Variants in PTPRD observed in about 807,000 individuals in gnomAD.
PTPRD encodes protein tyrosine phosphatase receptor type D.
A neutral mutation model predicts 214.5 loss-of-function variants in PTPRD; 34 were observed. The observed-to-expected ratio is 0.16, with a 90% CI of 0.12 to 0.21. The LOEUF is 0.21. PTPRD is among the 10% of genes least tolerant of loss of function. The pLI, the probability that PTPRD is intolerant of heterozygous loss-of-function variation, is 1.00. For synonymous variants in PTPRD, 1,128 were observed against 845.7 expected (o/e 1.33, Z -5.79); for missense variants, 2,545 against 2,398.7 (o/e 1.06, Z -1.27).
At chr9:10,385,994 A>ATTTCTTTACCTTTGGATTTTT (rs2097907543) in intron 2 of PTPRD, among the ~76,000 whole-genome samples, 1 of 151,832 alleles carries the variant, frequency 6.6e-6, no homozygotes, top group African/African-American at 2.4e-5. Flanking sequence ...AAGTTGTCAT[A>ATTTCTTTACCTTTGGATTTTT]TTTCTTTACC....
chr9:10,436,473 T>C (rs751206729), intron 2 of PTPRD, among the ~76,000 whole-genome samples: 2 of 151,758 alleles, frequency 1.3e-5, no homozygotes, highest in East Asian at 1.9e-4. Context: ...TTAATATTCA[T>C]CATTTGAGAA....
chr9:10,205,969 T>C (rs144280555), intron 3 of PTPRD, among the ~76,000 whole-genome samples: 34 of 151,628 alleles, frequency 2.2e-4, no homozygotes, highest in African/African-American at 7.7e-4. Flanking sequence ...CTGCTCACAA[T>C]GAGCTTTTAA....
At chr9:10,430,758 T>C (rs1442055462) in intron 2 of PTPRD, among the ~76,000 whole-genome samples, 1 of 151,932 alleles carries the variant, frequency 6.6e-6, no homozygotes, top group East Asian at 1.9e-4. Context: ...AAAAGATTGT[T>C]ATGTTTTAGT....
chr9:9,837,192 G>C (rs2057012223), intron 5 of PTPRD, among the ~76,000 whole-genome samples: 1 of 152,078 alleles, frequency 6.6e-6, no homozygotes, highest in Non-Finnish European at 1.5e-5. Flanking sequence ...CTCCCAGTTT[G>C]CAAGATAATG....
intron 7 of PTPRD, among the ~76,000 whole-genome samples, chr9:9,644,836 A>G (rs2096093904): frequency 6.6e-6 from 1 of 152,216 alleles, no homozygotes; most frequent in African/African-American, 2.4e-5. Flanking sequence ...CTCAACGTCA[A>G]GAGGAGAAGA....
At chr9:10,322,218 T>C (rs2096565698) in intron 3 of PTPRD, among the ~76,000 whole-genome samples, 1 of 152,032 alleles carries the variant, frequency 6.6e-6, no homozygotes, top group Admixed American at 6.6e-5. Context: ...GTTTAATGCA[T>C]GACAGACCCA....
intron 2 of PTPRD, among the ~76,000 whole-genome samples, chr9:10,433,588 A>G (rs917557220): frequency 6.6e-6 from 1 of 152,002 alleles, no homozygotes; most frequent in African/African-American, 2.4e-5. Flanking sequence ...CTGTGTGATG[A>G]ATGTTACCAC....
chr9:9,163,555 C>G (rs1280826450), intron 10 of PTPRD, among the ~76,000 whole-genome samples: 1 of 151,782 alleles, frequency 6.6e-6, no homozygotes, highest in Non-Finnish European at 1.5e-5. Flanking sequence ...TGGTTGCCAT[C>G]TCTTCCTAAT....
intron 2 of PTPRD, among the ~76,000 whole-genome samples, chr9:10,364,971 G>A (rs1480879615): frequency 1.3e-5 from 2 of 152,160 alleles, no homozygotes; most frequent in Non-Finnish European, 2.9e-5. Flanking sequence ...AATAAGCGCT[G>A]TGCTGAATGA....
At chr9:9,413,070 G>A (rs746057369) in intron 8 of PTPRD, among the ~76,000 whole-genome samples, 2 of 145,962 alleles carry the variant, frequency 1.4e-5, no homozygotes, top group Non-Finnish European at 1.5e-5. Flanking sequence ...GTCATTTTGG[G>A]CAAACAAGTT....
chr9:9,595,636 C>T (rs915004186), intron 7 of PTPRD, among the ~76,000 whole-genome samples: 2 of 151,460 alleles, frequency 1.3e-5, no homozygotes, highest in Non-Finnish European at 2.9e-5. Flanking sequence ...AATTAATGGC[C>T]TTTGCCGCAA....
intron 39 of PTPRD, among the ~76,000 whole-genome samples, chr9:8,371,358 T>G (rs1235346128): frequency 6.6e-6 from 1 of 152,078 alleles, no homozygotes; most frequent in Non-Finnish European, 1.5e-5. Context: ...AATTATTGAG[T>G]GCTTACTAAG....
intron 5 of PTPRD, among the ~76,000 whole-genome samples, chr9:9,863,129 A>G (rs2063161026): frequency 6.6e-6 from 1 of 152,206 alleles, no homozygotes; most frequent in Admixed American, 6.5e-5. Flanking sequence ...GGAAATATGA[A>G]GATAAATTTG....
intron 11 of PTPRD, among the ~76,000 whole-genome samples, chr9:8,856,483 T>C (rs2097917634): frequency 6.6e-6 from 1 of 152,174 alleles, no homozygotes; most frequent in Non-Finnish European, 1.5e-5. Context: ...TCTGAGAGGT[T>C]CAAACTGTGT....
intron 8 of PTPRD, among the ~76,000 whole-genome samples, chr9:9,508,124 G>C (rs1490470762): frequency 6.6e-6 from 1 of 151,386 alleles, no homozygotes; most frequent in Non-Finnish European, 1.5e-5. Flanking sequence ...TGTTTTGTTG[G>C]TCTCTTGCTC....
rs182416383 is a variant in PTPRD, at chr9:8,672,988, C to A, written c.65-36144G>T. On this transcript the variant is annotated intron_variant, in intron 12 of 45. Coordinates refer to ENST00000381196, the MANE Select transcript of PTPRD (RefSeq NM_002839.4). ...AATTTATATGGAAAAGAATCAGAAA[C>A]CTCCTATCCATTTCCTATATTAAAA... Among the ~76,000 whole-genome samples the A allele has an allele frequency of 3.3e-5, 5 of 152,126 alleles. No individual in the cohort carries two copies. In the East Asian group the frequency reaches 9.6e-4, roughly 29 times the overall value.
chr9:10,492,539 T>G (rs933291113), intron 2 of PTPRD, among the ~76,000 whole-genome samples: 9 of 152,138 alleles, frequency 5.9e-5, no homozygotes, highest in Non-Finnish European at 1.3e-4. Flanking sequence ...TCATATCCTT[T>G]GCCCAGTTTT....
Position 10,443,428 on chromosome 9 carries a change from C to T in PTPRD, c.-599-102411G>A, listed in dbSNP as rs555342201. Among the ~76,000 whole-genome samples the T allele has an allele frequency of 8.2e-4, 125 of 151,544 alleles. 3 individuals are homozygous for T. The highest frequency in any genetic ancestry group is 1.5e-3 in the Non-Finnish European group (102 of 67,636). On this transcript the variant is annotated intron_variant, in intron 2 of 45. Coordinates refer to ENST00000381196, the MANE Select transcript of PTPRD (RefSeq NM_002839.4). The stretch of plus-strand genomic sequence containing the variant: ...TTCACCAACTGTCCCTTGAATCAAA[C>T]GAAATTTGACATACTAGTATTCCCC...
In PTPRD at chr9:9,744,759, G is replaced by C. The variant is rs926429491; in HGVS notation, c.-325-10188C>G. 5.9e-5 allele frequency among the ~76,000 whole-genome samples: 9 copies of C among 151,996 alleles called. No individual in the cohort carries two copies. The South Asian group carries it at 1.4e-3, about 24-fold the overall frequency. On this transcript the variant is annotated intron_variant, in intron 6 of 45. Transcript: ENST00000381196. ...ATAAATCTCCTAGCCTGGTATGCTT[G>C]ATAATTAGTAAGTGCTAGATAAATA...
Sources: allele counts gnomAD v4.1 joint callset (sites outside exome capture counted in the v4.1 genomes callset), GRCh38; gene constraint gnomAD v4.1.1; transcripts MANE v1.5; gene names NCBI Gene and HGNC (gene_info 2026-07-23, HGNC 2026-07-21).